The following GYG1 variants were observed in gnomAD, a reference collection of about 807,000 sequenced individuals.
GYG1 encodes glycogenin-1.
Under a neutral mutation model 41.9 loss-of-function variants are expected in GYG1, and 44 were observed. That is an observed-to-expected ratio of 1.05 (90% CI 0.83 to 1.35). The LOEUF is 1.35. Among genes scored for constraint, GYG1 ranks in the 40% most tolerant of loss-of-function variants. The pLI is 0.00. For synonymous variants in GYG1, 141 were observed against 158.1 expected, an observed-to-expected ratio of 0.89 and a Z score of 0.81; for missense variants, 429 against 418.9, an observed-to-expected ratio of 1.02 and a Z score of -0.21.
At chr3:149,019,076 A>G (rs1714222562) in intron 5 of GYG1, among the ~76,000 whole-genome samples, 1 of 151,736 alleles carries the variant, frequency 6.6e-6, no homozygotes, top group South Asian at 2.1e-4. Context: ...CTTAAAAAAA[A>G]AAAAAAAAAA....
intron 1 of GYG1, among the ~76,000 whole-genome samples, chr3:148,991,912 C>T (rs368752344): frequency 6.6e-6 from 1 of 152,190 alleles, no homozygotes; most frequent in East Asian, 1.9e-4. Flanking sequence ...CTCGTCCTTC[C>T]TCTTGCTCTC....
intron 5 of GYG1, among the ~76,000 whole-genome samples, chr3:149,013,989 T>G (rs1713880904): frequency 6.6e-6 from 1 of 152,240 alleles, no homozygotes; most frequent in African/African-American, 2.4e-5. Flanking sequence ...GTGTACCTTG[T>G]GCCACACTTT....
At chr3:149,021,553 C>T (rs185327613) in intron 5 of GYG1, among the ~76,000 whole-genome samples, 2 of 152,284 alleles carry the variant, frequency 1.3e-5, no homozygotes, top group East Asian at 1.9e-4. Flanking sequence ...ATGGTAAGTG[C>T]TCATGCCTTA....
At chr3:148,996,659 G>A in intron 3 of GYG1, 83 bp from the exon 4 acceptor site, 1 of 1,363,108 alleles carries the variant, frequency 7.3e-7, no homozygotes, top group Non-Finnish European at 1.0e-6. Context: ...ACCATCTTTT[G>A]TGTTGGATGA....
chr3:149,007,484 C>T (rs1193568294), intron 4 of GYG1, among the ~76,000 whole-genome samples: 1 of 152,140 alleles, frequency 6.6e-6, no homozygotes, highest in Non-Finnish European at 1.5e-5. Flanking sequence ...AATAAGTGAA[C>T]GCCTTTGATT....
chr3:149,016,335 C>T (rs1046913378), intron 5 of GYG1, among the ~76,000 whole-genome samples: 1 of 148,736 alleles, frequency 6.7e-6, no homozygotes, highest in Non-Finnish European at 1.5e-5. Flanking sequence ...TGAAGGAAGG[C>T]AAAGTGTATG....
intron 4 of GYG1, among the ~76,000 whole-genome samples, chr3:148,997,740 G>A (rs1359890694): frequency 6.6e-6 from 1 of 152,182 alleles, no homozygotes; most frequent in Non-Finnish European, 1.5e-5. Flanking sequence ...AGAGAAGAAG[G>A]AGGACATTCT....
intron 4 of GYG1, among the ~76,000 whole-genome samples, chr3:149,003,709 G>C (rs559961593): frequency 7.9e-5 from 12 of 152,220 alleles, no homozygotes; most frequent in Admixed American, 4.6e-4. Context: ...TTTCTGTCAA[G>C]CTCCCAGGTG....
chr3:149,017,160 A>C (rs559172845), intron 5 of GYG1, among the ~76,000 whole-genome samples: 2 of 152,208 alleles, frequency 1.3e-5, no homozygotes, highest in African/African-American at 2.4e-5. Flanking sequence ...TGAAAATTCT[A>C]TCTGATCTTT....
chr3:148,993,428 CTATT>C (rs1357862303), intron 1 of GYG1, among the ~76,000 whole-genome samples: 2 of 152,068 alleles, frequency 1.3e-5, no homozygotes, highest in African/African-American at 4.8e-5. Flanking sequence ...TGATTGATAA[CTATT>C]TAGATAGAAG....
chr3:148,998,815 A>C (rs1038443936), intron 4 of GYG1, among the ~76,000 whole-genome samples: 1 of 152,354 alleles, frequency 6.6e-6, no homozygotes, highest in Non-Finnish European at 1.5e-5. Context: ...TGTTTTTAGC[A>C]GAAGTCCACT....
chr3:149,001,978 G>A (rs1038975072), intron 4 of GYG1, among the ~76,000 whole-genome samples: 2 of 152,134 alleles, frequency 1.3e-5, no homozygotes, highest in African/African-American at 4.8e-5. Context: ...GGAGGCTCAA[G>A]TCTTCTATCT....
intron 5 of GYG1, among the ~76,000 whole-genome samples, chr3:149,010,670 T>C (rs557319159): frequency 1.4e-4 from 21 of 152,206 alleles, no homozygotes; most frequent in Non-Finnish European, 2.6e-4. Flanking sequence ...ACAGCCTTGC[T>C]GCACTGTTTA....
chr3:149,016,129 C>T (rs1471607026), intron 5 of GYG1, among the ~76,000 whole-genome samples: 1 of 151,732 alleles, frequency 6.6e-6, no homozygotes, highest in East Asian at 1.9e-4. Context: ...GGTGTGGTGG[C>T]GGGCGCCTGT....
At position 149,027,996 on chromosome 3, in the gene GYG1, A is replaced by C. The variant is rs1260349317; in HGVS notation, c.*1063A>C. Among the ~76,000 whole-genome samples, 1 of 152,212 alleles carries C rather than the reference A, an allele frequency of 6.6e-6. No homozygotes were observed. Among genetic ancestry groups the C allele is most frequent in the Non-Finnish European group, 1.5e-5 (1 of 68,036 alleles). On this transcript the variant is annotated 3_prime_UTR_variant, in exon 8 of 8. Transcript: ENST00000345003. ...TTTTATCTATGATTTAAAATGATAGAATGGAAAAGCGTATTTATTAAATTT... is the reference window on the plus strand; with the variant it reads ...TTTTATCTATGATTTAAAATGATAGCATGGAAAAGCGTATTTATTAAATTT...
chr3:149,025,016 C>G (rs1714579057), intron 6 of GYG1, among the ~76,000 whole-genome samples: 1 of 152,206 alleles, frequency 6.6e-6, no homozygotes, highest in South Asian at 2.1e-4. Context: ...AGATTATTCT[C>G]TTTCCTGTGG....
At chr3:149,021,088 G>A (rs767069709) in intron 5 of GYG1, among the ~76,000 whole-genome samples, 8 of 152,112 alleles carry the variant, frequency 5.3e-5, no homozygotes, top group Admixed American at 1.3e-4. Flanking sequence ...CCCACTTCCT[G>A]CACAAAACCA....
At chr3:149,020,787 TAAAAC>T (rs1576553098) in intron 5 of GYG1, among the ~76,000 whole-genome samples, 2 of 152,210 alleles carry the variant, frequency 1.3e-5, no homozygotes, top group Non-Finnish European at 2.9e-5. Flanking sequence ...GCTTAGCAGT[TAAAAC>T]AAGAGGATCA....
In GYG1 at chr3:148,994,203, A is replaced by C; in HGVS notation, c.69A>C (p.Gly23=). The C allele has an allele frequency of 6.2e-7, 1 of 1,613,668 alleles. No homozygotes were observed. Among genetic ancestry groups the C allele is most frequent in the South Asian group, 1.1e-5 (1 of 91,052 alleles). Residue 23 remains glycine (G), a synonymous_variant, in exon 2 of 8, where the codon GGA becomes GGC. Transcript: ENST00000345003. ...ACGCCAAAGGTGCCCTGGTCCTGGGATCATCTCTGAAACAGCACAGGACCA... is the reference window on the plus strand; with the variant it reads ...ACGCCAAAGGTGCCCTGGTCCTGGGCTCATCTCTGAAACAGCACAGGACCA... The part of the protein sequence containing the change: ...DAYAKGALVL[G]SSLKQHRTTR...
Sources: allele counts gnomAD v4.1 joint callset (sites outside exome capture counted in the v4.1 genomes callset), GRCh38; gene constraint gnomAD v4.1.1; transcripts MANE v1.5; gene names NCBI Gene and HGNC (gene_info 2026-07-23, HGNC 2026-07-21).